Variants in CNBD1 observed in about 807,000 individuals in gnomAD.
The protein encoded by CNBD1 is cyclic nucleotide-binding domain-containing protein 1.
CNBD1 carries 71 observed loss-of-function variants against 54.4 expected under a neutral mutation model. The observed-to-expected ratio is 1.30, with a 90% CI of 1.08 to 1.59. CNBD1 has a LOEUF of 1.59. CNBD1 is among the 40% of genes most tolerant of loss of function. The pLI, the probability that CNBD1 is intolerant of heterozygous loss-of-function variation, is 0.00. For synonymous variants in CNBD1, 182 were observed against 170.7 expected, an observed-to-expected ratio of 1.07 and a Z score of -0.51; for missense variants, 659 against 518.0, an observed-to-expected ratio of 1.27 and a Z score of -2.64.
chr8:87,353,556 G>A (rs952541262), intron 9 of CNBD1, 80 bp from the exon 10 acceptor site: 6 of 899,812 alleles, frequency 6.7e-6, no homozygotes, highest in African/African-American at 5.2e-5. Flanking sequence ...TGGTTTATGA[G>A]TGAGTTTCTG....
chr8:87,163,177 A>C lies in CNBD1; in HGVS notation c.432-42816A>C, dbSNP rs1207185542. Among the ~76,000 whole-genome samples the C allele has an allele frequency of 6.6e-6, 1 of 152,094 alleles. No homozygotes were observed. The highest frequency in any genetic ancestry group is 1.5e-5 in the Non-Finnish European group (1 of 67,986). ...AGATGAAAAAGTAGATTGAACTAAC[A>C]AATGTACAATATTTTGGTATTAATA... On this transcript the variant is annotated intron_variant, in intron 4 of 10. Coordinates refer to ENST00000518476, the MANE Select transcript of CNBD1 (RefSeq NM_173538.3). The surrounding 1 kb of genome is among the most constrained non-coding windows in gnomAD (Gnocchi z 4.5).
chr8:86,908,784 C>CT (rs1216108367), intron 3 of CNBD1, among the ~76,000 whole-genome samples: 24 of 70,846 alleles, frequency 3.4e-4, no homozygotes, highest in East Asian at 4.9e-4. Flanking sequence ...CATAAGAATT[C>CT]TTTTTTTTTT....
At chr8:87,120,751 G>A (rs1811873172) in intron 4 of CNBD1, among the ~76,000 whole-genome samples, 1 of 151,658 alleles carries the variant, frequency 6.6e-6, no homozygotes, top group Non-Finnish European at 1.5e-5. Context: ...GTTTTGTTAT[G>A]CTGTTTTCAT....
chr8:87,154,469 C>T (rs1321480967), intron 4 of CNBD1, among the ~76,000 whole-genome samples: 1 of 152,120 alleles, frequency 6.6e-6, no homozygotes, highest in Non-Finnish European at 1.5e-5. Flanking sequence ...TTCAGAACTG[C>T]AAGGGGAATG....
chr8:87,413,762 C>T (rs991009722), intron 2 of CNBD1, among the ~76,000 whole-genome samples: 1 of 150,106 alleles, frequency 6.7e-6, no homozygotes, highest in African/African-American at 2.5e-5. Flanking sequence ...CCAAAAAACA[C>T]ATGAAAAAAT....
intron 4 of CNBD1, among the ~76,000 whole-genome samples, chr8:87,084,158 A>G (rs116617612): frequency 8.5e-5 from 13 of 152,332 alleles, no homozygotes; most frequent in African/African-American, 3.1e-4. Flanking sequence ...TTCATTGTAT[A>G]TATGTTGTAA....
chr8:87,276,422 A>C (rs1254692094), intron 6 of CNBD1, among the ~76,000 whole-genome samples: 1 of 151,896 alleles, frequency 6.6e-6, no homozygotes, highest in Non-Finnish European at 1.5e-5. Context: ...CTTTATGAGA[A>C]AAGGCTTGGA....
intron 8 of CNBD1, among the ~76,000 whole-genome samples, chr8:87,339,275 G>A (rs113368304): frequency 0.02 from 3,072 of 152,122 alleles, 102 homozygotes; most frequent in African/African-American, 0.067. Flanking sequence ...ATAAAAATTC[G>A]AGCATCATAG....
rs1386877544 is a variant in CNBD1, at chr8:87,304,137, T to C, written c.1042+17466T>C. Among the ~76,000 whole-genome samples the C allele has an allele frequency of 2.6e-5, 4 of 151,644 alleles. No individual in the cohort carries two copies. The East Asian group carries it at 7.8e-4, about 29-fold the overall frequency. On this transcript the variant is annotated intron_variant, in intron 8 of 10. Transcript: ENST00000518476. ...TTGACCCAGCCATCCCATTACTGGG[T>C]ATATACCCAAAGGACTATAAATCAT...
intron 4 of CNBD1, among the ~76,000 whole-genome samples, chr8:87,036,116 A>G (rs888137765): frequency 6.6e-6 from 1 of 152,086 alleles, no homozygotes; most frequent in African/African-American, 2.4e-5. Context: ...GTGATTTTCC[A>G]TTTTTATTTC....
At chr8:87,295,397 T>G (rs904118115) in intron 8 of CNBD1, among the ~76,000 whole-genome samples, 1 of 151,964 alleles carries the variant, frequency 6.6e-6, no homozygotes, top group Non-Finnish European at 1.5e-5. Flanking sequence ...ATATTAGTTA[T>G]GTAAAGTTAA....
At chr8:87,278,805 A>C (rs1189835516) in intron 6 of CNBD1, among the ~76,000 whole-genome samples, 4 of 151,506 alleles carry the variant, frequency 2.6e-5, no homozygotes, top group African/African-American at 7.2e-5. Flanking sequence ...TTCCTTGTGA[A>C]GTTCCTACAT....
At chr8:87,121,991 A>G (rs1343040150) in intron 4 of CNBD1, among the ~76,000 whole-genome samples, 3 of 151,550 alleles carry the variant, frequency 2.0e-5, no homozygotes, top group Non-Finnish European at 1.5e-5. Context: ...GGTTGTTCCT[A>G]TATCTTGGCT....
At chr8:87,360,275 C>T (rs866273501) in intron 10 of CNBD1, among the ~76,000 whole-genome samples, 8 of 151,874 alleles carry the variant, frequency 5.3e-5, no homozygotes, top group African/African-American at 1.9e-4. Flanking sequence ...AAGATGTATG[C>T]AGCAATTAGT....
chr8:86,971,059 C>A (rs1297947195), intron 4 of CNBD1, among the ~76,000 whole-genome samples: 1 of 152,130 alleles, frequency 6.6e-6, no homozygotes, highest in Non-Finnish European at 1.5e-5. Flanking sequence ...AGTTTTATCA[C>A]ATTTTAAATA....
At chr8:87,056,925 A>T (rs1810427351) in intron 4 of CNBD1, among the ~76,000 whole-genome samples, 1 of 152,204 alleles carries the variant, frequency 6.6e-6, no homozygotes. Flanking sequence ...AGCCCTCATG[A>T]TCTGTCCTTT....
chr8:87,303,374 C>T (rs1304222181), intron 8 of CNBD1, among the ~76,000 whole-genome samples: 1 of 151,856 alleles, frequency 6.6e-6, no homozygotes, highest in Non-Finnish European at 1.5e-5. Context: ...CTGAGAAAAA[C>T]AAGCAATGGG....
At chr8:87,218,317 T>C (rs1814255822) in intron 5 of CNBD1, among the ~76,000 whole-genome samples, 1 of 152,098 alleles carries the variant, frequency 6.6e-6, no homozygotes, top group Non-Finnish European at 1.5e-5. Context: ...GCAGTACTGA[T>C]CTAAAGTTCA....
chr8:86,972,732 T>C (rs941950435), intron 4 of CNBD1, among the ~76,000 whole-genome samples: 2 of 152,188 alleles, frequency 1.3e-5, no homozygotes, highest in Non-Finnish European at 2.9e-5. Context: ...TTGGATTTAA[T>C]ACAATGGAAG....
Sources: gnomAD v4.1 joint callset for allele counts (sites outside exome capture counted in the v4.1 genomes callset) on GRCh38, gnomAD v4.1.1 for gene constraint, Gnocchi (gnomAD v3.1) non-coding constraint, MANE v1.5 for transcripts, NCBI Gene and HGNC (gene_info 2026-07-23, HGNC 2026-07-21) for gene names.